The following MST1R variants were observed in gnomAD, a reference collection of about 807,000 sequenced individuals.
MST1R encodes the protein macrophage-stimulating protein receptor.
Under a neutral mutation model 117.8 loss-of-function variants are expected in MST1R, and 99 were observed. The observed-to-expected ratio is 0.84, with a 90% CI of 0.71 to 0.99. The LOEUF is 0.99. Ranked by LOEUF, MST1R falls within the 50% of genes least tolerant of loss-of-function variation. The pLI is 0.00. For synonymous variants in MST1R, 734 were observed against 765.3 expected (o/e 0.96, Z 0.68); for missense variants, 1,683 against 1,840.2 (o/e 0.91, Z 1.56).
chr3:49,888,600 T>TAA (rs1225762605), intron 19 of MST1R, among the ~76,000 whole-genome samples: 1 of 112,284 alleles, frequency 8.9e-6, no homozygotes, highest in Admixed American at 8.7e-5. Context: ...AGACTCTGTC[T>TAA]CAAAAAAAAA....
intron 16 of MST1R, 42 bp from the exon 17 acceptor site, chr3:49,891,348 C>A (rs2108387175): frequency 6.2e-7 from 1 of 1,612,986 alleles, no homozygotes; most frequent in Non-Finnish European, 8.5e-7. Context: ...CACAGCAGCT[C>A]CTTCTCCAGC....
chr3:49,895,070 C>A (rs1465824941), intron 14 of MST1R, 97 bp downstream of exon 14: 28 of 1,374,020 alleles, frequency 2.0e-5, no homozygotes, highest in Non-Finnish European at 2.4e-5. Context: ...CTCGGCCTCC[C>A]AAAGTGCTGG....
rs2082283099 is a variant in MST1R at position 49,890,566 on chromosome 3, CTGT to C, written c.3726_3728del (p.Gln1243del). The C allele has an allele frequency of 6.2e-6, 10 of 1,614,060 alleles. No individual in the cohort carries two copies. The highest frequency in any genetic ancestry group is 8.5e-6 in the Non-Finnish European group (10 of 1,180,024). On this transcript the variant is annotated inframe_deletion, in exon 18 of 20. Transcript: ENST00000296474. The stretch of plus-strand genomic sequence containing the variant: ...TCACAGGTAGGCGAGCGTGGCGATG[CTGT>C]TGAACACTATAGTACTCCCTGTCCA...
At position 49,903,369 on chromosome 3, in the gene MST1R, G is replaced by A. The variant is rs2108513442; in HGVS notation, c.241C>T (p.Leu81Phe). 1 of 1,613,970 alleles carries A rather than the reference G, an allele frequency of 6.2e-7. No individual in the cohort carries two copies. Among genetic ancestry groups the A allele is most frequent in the Non-Finnish European group, 8.5e-7 (1 of 1,180,020 alleles). ...TGGACAGACTTCAGGTCAGGCCCAA[G>A]CACATGCAGGCGATTGCGTATGGCT... ...FVAIRNRLHV[L>F]GPDLKSVQSL... The change falls in exon 1 of 20, where the codon CTT (leucine) becomes TTT (phenylalanine). Residue 81 changes from leucine (L) to phenylalanine (F), a missense_variant. Coordinates refer to ENST00000296474, the MANE Select transcript of MST1R (RefSeq NM_002447.4).
In MST1R at chr3:49,897,309, C is replaced by G. The variant is rs2082509950; in HGVS notation, c.2154G>C (p.Leu718=). Reference sequence around the variant, plus strand: ...CTAGCAGACACTCAGTCCCATTGACCAGCACAGCCCGGCTGGTGCCTACAG... The same window carrying G: ...CTAGCAGACACTCAGTCCCATTGACGAGCACAGCCCGGCTGGTGCCTACAG... ...SLSVGTSRAV[L]VNGTECLLAR... Residue 718 remains leucine, a synonymous_variant, in exon 7 of 20, where the codon CTG becomes CTC. Transcript: ENST00000296474. 2 of 1,612,768 alleles carry G rather than the reference C, an allele frequency of 1.2e-6. No homozygotes were observed. Among genetic ancestry groups the G allele is most frequent in the East Asian group, 2.2e-5 (1 of 44,876 alleles).
intron 18 of MST1R, 81 bp from the exon 19 acceptor site, chr3:49,890,141 G>C (rs946046260): frequency 1.3e-6 from 2 of 1,498,420 alleles, no homozygotes; most frequent in Non-Finnish European, 1.8e-6. Flanking sequence ...CTACCTCCCA[G>C]AGTCCTTCAG....
At chr3:49,899,888 C>T (rs1465216919) in intron 1 of MST1R, among the ~76,000 whole-genome samples, 1 of 152,100 alleles carries the variant, frequency 6.6e-6, no homozygotes, top group East Asian at 1.9e-4. Context: ...GTACATCTCA[C>T]AGATGAGGAA....
chr3:49,903,314 G>A lies in MST1R; in HGVS notation c.296C>T (p.Pro99Leu), dbSNP rs770576642. ...ACAGGCTGCACACGTCTGGCAGCCAGGGTCTCCAGCAGGGCCCGTGGCCAG... is the reference window on the plus strand; with the variant it reads ...ACAGGCTGCACACGTCTGGCAGCCAAGGTCTCCAGCAGGGCCCGTGGCCAG... ...QSLATGPAGD[P>L]GCQTCAACGP... Residue 99 changes from proline to leucine, a missense_variant, in exon 1 of 20, where the codon CCT becomes CTT. Coordinates refer to ENST00000296474, the MANE Select transcript of MST1R (RefSeq NM_002447.4). The A allele has an allele frequency of 1.2e-6, 2 of 1,612,940 alleles. No individual in the cohort carries two copies. The highest frequency in any genetic ancestry group is 2.2e-5 in the South Asian group (2 of 91,084).
chr3:49,896,955 G>T, intron 7 of MST1R, 65 bp from the exon 8 acceptor site: 1 of 1,437,586 alleles, frequency 7.0e-7, no homozygotes, highest in Non-Finnish European at 9.2e-7. Flanking sequence ...ACTTCTTCCA[G>T]GGGCCTGTTG....
Sources: allele counts gnomAD v4.1 joint callset (sites outside exome capture counted in the v4.1 genomes callset), GRCh38; gene constraint gnomAD v4.1.1; transcripts MANE v1.5; gene names NCBI Gene and HGNC (gene_info 2026-07-23, HGNC 2026-07-21).